The following SRPX variants were observed in gnomAD, a reference collection of about 807,000 sequenced individuals.
SRPX encodes sushi repeat containing protein X-linked.
In SRPX, 24 loss-of-function variants were observed where a neutral mutation model predicts 38.1. The ratio of observed to expected loss-of-function variants is 0.63; its 90% confidence interval spans 0.46 to 0.89. The LOEUF (loss-of-function observed/expected upper bound fraction) is 0.89. Among genes scored for constraint, SRPX ranks in the 40% least tolerant of loss-of-function variants. SRPX has a pLI of 0.00. For synonymous variants in SRPX, 184 were observed against 153.8 expected (o/e 1.20, Z -1.45); for missense variants, 416 against 377.8 (o/e 1.10, Z -0.84).
At chrX:38,160,901 G>C in intron 6 of SRPX, 32 bp downstream of exon 6, 1 of 1,201,027 alleles carries the variant, frequency 8.3e-7, no homozygotes, top group South Asian at 1.8e-5. Flanking sequence ...CTAAAGAGAG[G>C]GGGAAACAAA....
chrX:38,189,191 A>G (rs934594534), intron 1 of SRPX, among the ~76,000 whole-genome samples: 1 of 111,809 alleles, frequency 8.9e-6, no homozygotes, highest in Admixed American at 9.5e-5. Flanking sequence ...GCTCATCTGT[A>G]AAATGGGACA....
intron 1 of SRPX, among the ~76,000 whole-genome samples, chrX:38,220,226 C>A (rs1939491285): frequency 8.8e-6 from 1 of 113,765 alleles, no homozygotes; most frequent in South Asian, 3.5e-4. Flanking sequence ...AGTCGCTTTA[C>A]CGTGGCTCGT....
chrX:38,174,649 T>TA (rs934213924), intron 2 of SRPX, among the ~76,000 whole-genome samples: 5 of 112,016 alleles, frequency 4.5e-5, no homozygotes, highest in African/African-American at 1.6e-4. Context: ...AAGGACGAAA[T>TA]AAAAATTGCA....
chrX:38,187,267 A>G (rs1407302394), intron 1 of SRPX, among the ~76,000 whole-genome samples: 4 of 112,350 alleles, frequency 3.6e-5, no homozygotes, highest in African/African-American at 1.3e-4. Flanking sequence ...AAGTTTAAGC[A>G]TGAAACATGG....
chrX:38,157,016 A>G lies in SRPX; in HGVS notation c.969T>C (p.Asn323=), dbSNP rs760779144. The change falls in exon 8 of 10, where the codon AAT becomes AAC. Residue 323 remains asparagine, a synonymous_variant. Coordinates refer to ENST00000378533, the MANE Select transcript of SRPX (RefSeq NM_006307.5). ...TEPTCAAMNV[N]VGVRTAAALL... ...GTGCAGCTGCCGTTCTGACACCCAC[A>G]TTGACGTTCATGGCTGTAATCAGAA... 10 of 1,209,523 alleles carry G rather than the reference A, an allele frequency of 8.3e-6. No homozygotes were observed. In the African/African-American group the frequency reaches 1.6e-4, roughly 19 times the overall value.
intron 1 of SRPX, among the ~76,000 whole-genome samples, chrX:38,186,179 T>C (rs1938780991): frequency 8.9e-6 from 1 of 111,852 alleles, no homozygotes; most frequent in African/African-American, 3.3e-5. Flanking sequence ...CTCTCTTGGA[T>C]CACTCATTCC....
chrX:38,192,017 G>A (rs1013231731), intron 1 of SRPX, among the ~76,000 whole-genome samples: 20 of 111,799 alleles, frequency 1.8e-4, no homozygotes, highest in Non-Finnish European at 2.4e-4. Flanking sequence ...GGAAACCTCA[G>A]GCAGCAGAAC....
At chrX:38,200,787 T>A (rs1459386280) in intron 1 of SRPX, among the ~76,000 whole-genome samples, 1 of 112,128 alleles carries the variant, frequency 8.9e-6, no homozygotes, top group African/African-American at 3.2e-5. Flanking sequence ...CTGTTAATAC[T>A]GTTACTACAG....
chrX:38,163,311 T>A (rs1174019476), intron 5 of SRPX, among the ~76,000 whole-genome samples: 1 of 112,289 alleles, frequency 8.9e-6, no homozygotes, highest in African/African-American at 3.2e-5. Flanking sequence ...TTATTGCTAA[T>A]CATTGTGTAA....
intron 3 of SRPX, 48 bp from the exon 4 acceptor site, chrX:38,172,105 T>C (rs1449630541): frequency 8.7e-7 from 1 of 1,152,634 alleles, no homozygotes; most frequent in Non-Finnish European, 1.2e-6. Context: ...TTTTTGTCTA[T>C]AGAGTTTCAT....
intron 8 of SRPX, among the ~76,000 whole-genome samples, chrX:38,154,874 T>C (rs1938101361): frequency 9.0e-6 from 1 of 111,471 alleles, no homozygotes; most frequent in African/African-American, 3.3e-5. Flanking sequence ...TGAGTCAAAT[T>C]TCCTAAAAAG....
At chrX:38,187,959 T>C (rs1211303354) in intron 1 of SRPX, among the ~76,000 whole-genome samples, 1 of 112,111 alleles carries the variant, frequency 8.9e-6, no homozygotes, top group East Asian at 2.8e-4. Flanking sequence ...AAGGTGTATA[T>C]GTTTGAAGGA....
chrX:38,197,232 G>C lies in SRPX; in HGVS notation c.98-18888C>G, dbSNP rs372765267. 7.1e-5 allele frequency among the ~76,000 whole-genome samples: 8 copies of C among 112,508 alleles called. No homozygotes were observed. The East Asian group carries it at 8.4e-4, about 12-fold the overall frequency. Reference sequence around the variant, plus strand: ...CTACACTAAGCTGTACACCCAGCAAGGGGGAGAGCTTCCCTGGCAGGCTTG... The same window carrying C: ...CTACACTAAGCTGTACACCCAGCAACGGGGAGAGCTTCCCTGGCAGGCTTG... On this transcript the variant is annotated intron_variant, in intron 1 of 9. Coordinates refer to ENST00000378533, the MANE Select transcript of SRPX (RefSeq NM_006307.5).
intron 1 of SRPX, among the ~76,000 whole-genome samples, chrX:38,190,535 C>T (rs1938881465): frequency 8.9e-6 from 1 of 111,777 alleles, no homozygotes; most frequent in African/African-American, 3.3e-5. Flanking sequence ...GGTAGCTTCT[C>T]TCTTGAAAGC....
chrX:38,159,105 T>C (rs183424103), intron 7 of SRPX, among the ~76,000 whole-genome samples: 8 of 112,411 alleles, frequency 7.1e-5, no homozygotes, highest in Non-Finnish European at 1.5e-4. Context: ...AAAATTAAGA[T>C]ACTTTATATT....
intron 2 of SRPX, among the ~76,000 whole-genome samples, chrX:38,175,307 C>T (rs1938549961): frequency 9.0e-6 from 1 of 111,450 alleles, no homozygotes; most frequent in Non-Finnish European, 1.9e-5. Context: ...ATCACTCCAA[C>T]CCAGCACCTG....
chrX:38,182,650 G>A lies in SRPX; in HGVS notation c.98-4306C>T, dbSNP rs780327210. ...AAAATGAAGTCTGCTTAGGGGCAGG[G>A]GGAGGGAGCTTATGGGAAAGATTTT... On this transcript the variant is annotated intron_variant, in intron 1 of 9. Coordinates refer to ENST00000378533, the MANE Select transcript of SRPX (RefSeq NM_006307.5). Among the ~76,000 whole-genome samples, 5 of 112,131 alleles carry A rather than the reference G, an allele frequency of 4.5e-5. No individual in the cohort carries two copies. The South Asian group carries it at 1.9e-3, about 42-fold the overall frequency.
At chrX:38,166,111 T>C (rs1396465984) in intron 4 of SRPX, among the ~76,000 whole-genome samples, 1 of 112,621 alleles carries the variant, frequency 8.9e-6, no homozygotes, top group Non-Finnish European at 1.9e-5. Flanking sequence ...ACTTTACATA[T>C]CAACTGATAA....
chrX:38,202,056 C>A (rs1939122807), intron 1 of SRPX, among the ~76,000 whole-genome samples: 1 of 111,864 alleles, frequency 8.9e-6, no homozygotes, highest in African/African-American at 3.2e-5. Flanking sequence ...TTTCATGACC[C>A]AGCCCCCATA....
Sources: gnomAD v4.1 joint callset for allele counts (sites outside exome capture counted in the v4.1 genomes callset) on GRCh38, gnomAD v4.1.1 for gene constraint, MANE v1.5 for transcripts, NCBI Gene and HGNC (gene_info 2026-07-23, HGNC 2026-07-21) for gene names.